The following FCGRT variants were observed in gnomAD, a reference collection of about 807,000 sequenced individuals.
FCGRT encodes Fc gamma receptor and transporter.
A neutral mutation model predicts 35.7 loss-of-function variants in FCGRT; 13 were observed. That is an observed-to-expected ratio of 0.36 (90% confidence interval 0.24 to 0.58). FCGRT has a LOEUF of 0.58. Ranked by LOEUF, FCGRT falls within the 20% of genes least tolerant of loss-of-function variation. The probability of loss-of-function intolerance (pLI) is 0.77; values close to 1 mark genes in which losing one functional copy is unlikely to be tolerated. For missense variants in FCGRT, 455 were observed against 474.9 expected (o/e 0.96, Z 0.39); for synonymous variants, 233 against 216.5 (o/e 1.08, Z -0.67).
At position 49,525,575 on chromosome 19, in the gene FCGRT, TGGG is replaced by T; in HGVS notation, c.988+6_988+8del. On this transcript the variant is annotated splice_donor_5th_base_variant and intron_variant, in intron 6 of 6. Transcript: ENST00000221466. ...GAAGGATGAGGAGTGGGCTGCCAGGTGGGGGGCAGCGGGAGGAAGAGCCTCTGA... is the reference window on the plus strand; with the variant it reads ...GAAGGATGAGGAGTGGGCTGCCAGGTGGGCAGCGGGAGGAAGAGCCTCTGA... The T allele has an allele frequency of 1.9e-6, 3 of 1,598,096 alleles. No individual in the cohort carries two copies. Among genetic ancestry groups the T allele is most frequent in the Non-Finnish European group, 1.7e-6 (2 of 1,167,588 alleles).
chr19:49,526,408 C>G lies in FCGRT; in HGVS notation c.*289C>G. On this transcript the variant is annotated 3_prime_UTR_variant, in exon 7 of 7. Transcript: ENST00000221466. ...GGGGGACTGAATGGCGGCTGGGCCTCGGATCTCTCCTACAGGTAACATGCT... is the reference window on the plus strand; with the variant it reads ...GGGGGACTGAATGGCGGCTGGGCCTGGGATCTCTCCTACAGGTAACATGCT... 2 of 446,158 alleles carry G rather than the reference C, an allele frequency of 4.5e-6. No individual in the cohort carries two copies. The highest frequency in any genetic ancestry group is 4.0e-6 in the Non-Finnish European group (1 of 247,472). The allele number at this position is 446,158 out of a possible 1,614,324, so 27.6% of individuals were successfully genotyped here.
intron 4 of FCGRT, among the ~76,000 whole-genome samples, chr19:49,523,540 C>G (rs1215287301): frequency 6.6e-6 from 1 of 151,904 alleles, no homozygotes; most frequent in African/African-American, 2.4e-5. Context: ...TGCACTCCAG[C>G]CTGGGTGACA....
chr19:49,517,541 AAAGG>A (rs56387904), intron 4 of FCGRT, among the ~76,000 whole-genome samples: 1,880 of 151,340 alleles, frequency 0.012, 13 homozygotes, highest in African/African-American at 0.017. Flanking sequence ...AAGAGGAAGG[AAAGG>A]AAGGAAGGAA....
At chr19:49,513,754 TTCTGTCCCCTCTCTCTGAA>T (rs928217370) in intron 2 of FCGRT, 109 bp from the exon 3 acceptor site, 33 of 180,320 alleles carry the variant, frequency 1.8e-4, no homozygotes, top group South Asian at 8.1e-4. Flanking sequence ...CCCCCCGGGT[TTCTGTCCCCTCTCTCTGAA>T]TCTGTCCCCC....
chr19:49,525,563 T>TG lies in FCGRT; in HGVS notation c.981dup (p.Leu328AlafsTer27). ...CTCTGTTGTGGAGAAGGATGAGGAG[T>TG]GGGCTGCCAGGTGGGGGGCAGCGGG... On this transcript the variant is annotated frameshift_variant, in exon 6 of 7. Coordinates refer to ENST00000221466, the MANE Select transcript of FCGRT (RefSeq NM_001136019.3). The TG allele has an allele frequency of 1.2e-6, 2 of 1,610,792 alleles. No homozygotes were observed. The highest frequency in any genetic ancestry group is 1.7e-6 in the Non-Finnish European group (2 of 1,178,490).
chr19:49,514,994 C>CT (rs1437652695), intron 4 of FCGRT, among the ~76,000 whole-genome samples: 19 of 147,612 alleles, frequency 1.3e-4, no homozygotes, highest in Admixed American at 2.0e-4. Flanking sequence ...TCCTGGCTCC[C>CT]CCCTTTTTTT....
In FCGRT at chr19:49,519,270, CT is replaced by C. The variant is rs1031846449; in HGVS notation, c.601+4796del. 4.9e-3 allele frequency among the ~76,000 whole-genome samples: 720 copies of C among 145,860 alleles called. 6 individuals carry two copies. The highest frequency in any genetic ancestry group is 0.014 in the African/African-American group (579 of 40,156). ...TAACTTTGATGAAATCCAGTTTATT[CT>C]TTTTTTTTTTTCTATCGTGGATTAT... On this transcript the variant is annotated intron_variant, in intron 4 of 6. Coordinates refer to ENST00000221466, the MANE Select transcript of FCGRT (RefSeq NM_001136019.3).
chr19:49,514,084 G>C lies in FCGRT; in HGVS notation c.276G>C (p.Arg92Ser). Residue 92 changes from arginine (R) to serine (S), a missense_variant, in exon 3 of 7, where the codon AGG becomes AGC. Transcript: ENST00000221466. ...WYWEKETTDL[R>S]IKEKLFLEAF... ...GGGAGAAAGAGACCACAGATCTGAGGATCAAGGAGAAGCTCTTTCTGGAAG... is the reference window on the plus strand; with the variant it reads ...GGGAGAAAGAGACCACAGATCTGAGCATCAAGGAGAAGCTCTTTCTGGAAG... The C allele has an allele frequency of 6.2e-7, 1 of 1,611,772 alleles. No homozygotes were observed. The highest frequency in any genetic ancestry group is 1.3e-5 in the African/African-American group (1 of 75,052).
At chr19:49,515,173 G>A (rs2080000666) in intron 4 of FCGRT, 1 of 152,028 alleles carries the variant, frequency 6.6e-6, no homozygotes, top group South Asian at 2.1e-4. Context: ...TTTATATTTT[G>A]TAGACACGGT....
intron 4 of FCGRT, among the ~76,000 whole-genome samples, chr19:49,523,490 C>A (rs958247917): frequency 5.3e-5 from 8 of 152,212 alleles, no homozygotes; most frequent in Non-Finnish European, 7.4e-5. Flanking sequence ...AACTCTTGAA[C>A]CCAGGAAGTG....
intron 5 of FCGRT, chr19:49,525,175 T>TCCCACTGCTCTGCCTGCCTC: frequency 2.0e-6 from 1 of 509,874 alleles, no homozygotes; most frequent in Non-Finnish European, 3.7e-6. Flanking sequence ...GAGACTGACT[T>TCCCACTGCTCTGCCTGCCTC]CCCACTGCTC....
intron 4 of FCGRT, among the ~76,000 whole-genome samples, chr19:49,518,845 T>A (rs780066590): frequency 7.0e-4 from 106 of 151,422 alleles, no homozygotes; most frequent in Non-Finnish European, 1.4e-3. Context: ...GTATTTTTGT[T>A]TTTTTCTTTT....
At chr19:49,515,969 AG>A (rs2080005055) in intron 4 of FCGRT, 2 of 322,172 alleles carry the variant, frequency 6.2e-6, no homozygotes, top group South Asian at 4.8e-5. Flanking sequence ...TCAGCTCTGT[AG>A]GGCAGAGTTC....
At chr19:49,515,766 A>G (rs1230497142) in intron 4 of FCGRT, among the ~76,000 whole-genome samples, 1 of 152,088 alleles carries the variant, frequency 6.6e-6, no homozygotes, top group Non-Finnish European at 1.5e-5. Flanking sequence ...ACGCAGCAGC[A>G]CTTGTCTCTA....
intron 4 of FCGRT, among the ~76,000 whole-genome samples, chr19:49,518,824 C>T (rs144651349): frequency 1.7e-3 from 266 of 152,106 alleles, no homozygotes; most frequent in African/African-American, 6.2e-3. Context: ...CGTGAGCCAC[C>T]GCGCTCGGCC....
intron 4 of FCGRT, among the ~76,000 whole-genome samples, chr19:49,520,501 A>G (rs776606723): frequency 6.6e-6 from 1 of 152,034 alleles, no homozygotes; most frequent in Admixed American, 6.6e-5. Flanking sequence ...ATGCGCTGCC[A>G]TGCCTAGCTA....
chr19:49,513,343 C>A, intron 1 of FCGRT, 44 bp from the exon 2 acceptor site: 1 of 971,154 alleles, frequency 1.0e-6, no homozygotes, highest in Non-Finnish European at 1.3e-6. Flanking sequence ...GAGGAAGGGG[C>A]GGGCCGGGGG....
chr19:49,526,055 C>T lies in FCGRT; in HGVS notation c.1034C>T (p.Pro345Leu), dbSNP rs894180076. The change falls in exon 7 of 7, where the codon CCC (proline) becomes CTC (leucine). Residue 345 changes from proline (P) to leucine (L), a missense_variant. Pro to Leu is a moderately conservative substitution (Grantham distance 98, BLOSUM62 -3). Coordinates refer to ENST00000221466, the MANE Select transcript of FCGRT (RefSeq NM_001136019.3). ...LRGDDTGVLL[P>L]TPGEAQDADL... ...GGAGACGACACCGGGGTCCTCCTGC[C>T]CACCCCAGGGGAGGCCCAGGATGCT... is the stretch of plus-strand genomic sequence containing the variant. The T allele has an allele frequency of 1.2e-6, 2 of 1,613,510 alleles. No individual in the cohort carries two copies. The highest frequency in any genetic ancestry group is 2.7e-5 in the African/African-American group (2 of 74,898).
Position 49,514,097 on chromosome 19 carries a change from C to G in FCGRT, c.289C>G (p.Leu97Val), listed in dbSNP as rs768039997. Residue 97 changes from leucine (L) to valine (V), a missense_variant, in exon 3 of 7, where the codon CTC (leucine) becomes GTC (valine). Transcript: ENST00000221466. ...CACAGATCTGAGGATCAAGGAGAAG[C>G]TCTTTCTGGAAGCTTTCAAAGCTTT... ...ETTDLRIKEK[L>V]FLEAFKALGG... is the part of the protein sequence containing the mutation. The G allele has an allele frequency of 1.2e-6, 2 of 1,612,152 alleles. No homozygotes were observed. The highest frequency in any genetic ancestry group is 3.3e-5 in the Admixed American group (2 of 59,994).
Sources: gnomAD v4.1 joint callset for allele counts (sites outside exome capture counted in the v4.1 genomes callset) on GRCh38, gnomAD v4.1.1 for gene constraint, MANE v1.5 for transcripts, NCBI Gene and HGNC (gene_info 2026-07-23, HGNC 2026-07-21) for gene names.